The following PALS2 variants were observed in gnomAD, a reference collection of about 807,000 sequenced individuals.
The protein encoded by PALS2 is protein PALS2.
A neutral mutation model predicts 61.6 loss-of-function variants in PALS2; 27 were observed. The observed-to-expected ratio is 0.44, with a 90% CI of 0.32 to 0.60. The LOEUF (loss-of-function observed/expected upper bound fraction) is 0.60, where lower values mean the gene tolerates loss of function less well. Ranked by LOEUF, PALS2 falls within the 20% of genes least tolerant of loss-of-function variation. The pLI is 0.05. For synonymous variants in PALS2, 236 were observed against 218.6 expected, an observed-to-expected ratio of 1.08 and a Z score of -0.70; for missense variants, 554 against 639.4, an observed-to-expected ratio of 0.87 and a Z score of 1.44.
intron 3 of PALS2, among the ~76,000 whole-genome samples, chr7:24,642,379 G>C (rs887550036): frequency 2.0e-5 from 3 of 152,142 alleles, no homozygotes; most frequent in African/African-American, 7.2e-5. Flanking sequence ...GAGTTCATCA[G>C]TTTTACAAAG....
chr7:24,644,443 T>G (rs1265936543), intron 3 of PALS2, among the ~76,000 whole-genome samples: 1 of 152,136 alleles, frequency 6.6e-6, no homozygotes, highest in African/African-American at 2.4e-5. Context: ...TGATCTCATT[T>G]TTATGGCTGC....
At chr7:24,612,450 C>T (rs981278963) in intron 1 of PALS2, among the ~76,000 whole-genome samples, 10 of 151,510 alleles carry the variant, frequency 6.6e-5, no homozygotes, top group African/African-American at 2.4e-4. Flanking sequence ...GATAAATTTA[C>T]CCAAAATGCT....
At chr7:24,653,261 C>G (rs1187099428) in intron 5 of PALS2, among the ~76,000 whole-genome samples, 1 of 151,864 alleles carries the variant, frequency 6.6e-6, no homozygotes, top group Non-Finnish European at 1.5e-5. Flanking sequence ...ATTAGAAAAT[C>G]CATATGTATG....
intron 1 of PALS2, among the ~76,000 whole-genome samples, chr7:24,584,189 G>A (rs1341415467): frequency 7.0e-6 from 1 of 143,284 alleles, no homozygotes; most frequent in Non-Finnish European, 1.5e-5. Context: ...TAATGGGATG[G>A]CTGGGTCAAA....
intron 5 of PALS2, among the ~76,000 whole-genome samples, chr7:24,651,525 C>A (rs1221363230): frequency 2.0e-5 from 3 of 152,160 alleles, no homozygotes; most frequent in African/African-American, 7.2e-5. Context: ...CACAGCAACA[C>A]CTGGCACATA....
At chr7:24,685,939 A>C (rs1788180483) in intron 11 of PALS2, among the ~76,000 whole-genome samples, 1 of 151,996 alleles carries the variant, frequency 6.6e-6, no homozygotes, top group Non-Finnish European at 1.5e-5. Context: ...GCTAGCCCAG[A>C]CCTCAGAGCT....
chr7:24,594,179 T>C (rs1310059236), intron 1 of PALS2, among the ~76,000 whole-genome samples: 1 of 152,066 alleles, frequency 6.6e-6, no homozygotes, highest in Non-Finnish European at 1.5e-5. Context: ...GTTTCAGACT[T>C]TTTTCCAGTA....
Position 24,662,768 on chromosome 7 carries a change from G to GAAA in PALS2, c.652-796_652-794dup, listed in dbSNP as rs59367702. 3.0e-4 allele frequency among the ~76,000 whole-genome samples: 31 copies of GAAA among 102,622 alleles called. 1 individual carries two copies. Among genetic ancestry groups the GAAA allele is most frequent in the African/African-American group, 6.3e-4 (21 of 33,450 alleles). The allele number at this position is 102,622 out of a possible 152,430, so 67.3% of individuals were successfully genotyped here. The stretch of plus-strand genomic sequence containing the variant: ...TGGGTGAAAGAGTGAGACTCCATCT[G>GAAA]AAAAAAAAAAAAAAAAAAAAAAAAA... On this transcript the variant is annotated intron_variant, in intron 5 of 11. Coordinates refer to ENST00000222644, the MANE Select transcript of PALS2 (RefSeq NM_001303037.2).
intron 1 of PALS2, among the ~76,000 whole-genome samples, chr7:24,586,690 T>A (rs539056312): frequency 1.3e-5 from 2 of 152,306 alleles, no homozygotes; most frequent in South Asian, 4.1e-4. Context: ...TGCAATCTGG[T>A]CATTAAAATG....
In PALS2 at chr7:24,618,773, G is replaced by A. The variant is rs1482891980; in HGVS notation, c.-2-4893G>A. Among the ~76,000 whole-genome samples the A allele has an allele frequency of 6.6e-6, 1 of 152,192 alleles. No individual in the cohort carries two copies. Among genetic ancestry groups the A allele is most frequent in the Non-Finnish European group, 1.5e-5 (1 of 68,026 alleles). On this transcript the variant is annotated intron_variant, in intron 1 of 11. Transcript: ENST00000222644. The surrounding 1 kb of genome is among the most constrained non-coding windows in gnomAD (Gnocchi z 5.1). ...GATGGCAGAGGCAGGATGCCTCCAC[G>A]CTGGCCTTGTGGGCTCCCAGTCATC...
Position 24,680,429 on chromosome 7 carries a change from A to T in PALS2, c.1355A>T (p.Tyr452Phe). The T allele has an allele frequency of 6.2e-7, 1 of 1,613,470 alleles. No individual in the cohort carries two copies. The highest frequency in any genetic ancestry group is 8.5e-7 in the Non-Finnish European group (1 of 1,179,444). Reference protein sequence around the residue: ...KVLRTSEFMPYVVFIAAPELE... With the variant: ...KVLRTSEFMPFVVFIAAPELE... ...TTGAGGACATCAGAGTTTATGCCCTATGTGGTATTTATTGCGGCTCCGGAG... is the reference window on the plus strand; with the variant it reads ...TTGAGGACATCAGAGTTTATGCCCTTTGTGGTATTTATTGCGGCTCCGGAG... The change falls in exon 11 of 12, where the codon TAT (tyrosine) becomes TTT (phenylalanine). Residue 452 changes from tyrosine (Y) to phenylalanine (F), a missense_variant. Coordinates refer to ENST00000222644, the MANE Select transcript of PALS2 (RefSeq NM_001303037.2).
chr7:24,620,556 C>A (rs1029522989), intron 1 of PALS2, among the ~76,000 whole-genome samples: 27 of 151,910 alleles, frequency 1.8e-4, no homozygotes, highest in African/African-American at 6.3e-4. Flanking sequence ...CAATTTCTTT[C>A]ACTTTTCTAC....
In PALS2 at chr7:24,687,521, T is replaced by C. The variant is rs762834622; in HGVS notation, c.1530T>C (p.Asn510=). Residue 510 remains asparagine (N), a synonymous_variant, in exon 12 of 12, where the codon AAT becomes AAC. Transcript: ENST00000222644. This position sits in a 1 kb window ranked among gnomAD's most constrained non-coding sequence, Gnocchi z 4.5. The stretch of plus-strand genomic sequence containing the variant: ...ACTATTTTGATTTGATCATCATAAA[T>C]GATAATCTAGACAAAGCCTTTGAAA... ...YNHYFDLIII[N]DNLDKAFEKL... The C allele has an allele frequency of 6.2e-7, 1 of 1,613,140 alleles. No homozygotes were observed. The highest frequency in any genetic ancestry group is 1.3e-5 in the African/African-American group (1 of 74,884).
chr7:24,652,486 G>T (rs1786204676), intron 5 of PALS2, among the ~76,000 whole-genome samples: 1 of 152,088 alleles, frequency 6.6e-6, no homozygotes, highest in Non-Finnish European at 1.5e-5. Flanking sequence ...TCAAGTAGGA[G>T]AGGAGGAGTC....
chr7:24,599,024 A>G lies in PALS2; in HGVS notation c.-2-24642A>G, dbSNP rs1783621214. Among the ~76,000 whole-genome samples the G allele has an allele frequency of 2.0e-5, 3 of 152,334 alleles. No individual in the cohort carries two copies. The South Asian group carries it at 6.2e-4, about 32-fold the overall frequency. On this transcript the variant is annotated intron_variant, in intron 1 of 11. Coordinates refer to ENST00000222644, the MANE Select transcript of PALS2 (RefSeq NM_001303037.2). Reference sequence around the variant, plus strand: ...AAACACACCGAGTGTTGAATGAGGCAGGAATAAAATACAGTCGTGCATCAC... The same window carrying G: ...AAACACACCGAGTGTTGAATGAGGCGGGAATAAAATACAGTCGTGCATCAC...
chr7:24,666,078 C>T lies in PALS2; in HGVS notation c.941C>T (p.Thr314Ile), dbSNP rs1163792266. 1 of 1,610,816 alleles carries T rather than the reference C, an allele frequency of 6.2e-7. No homozygotes were observed. The highest frequency in any genetic ancestry group is 8.5e-7 in the Non-Finnish European group (1 of 1,177,960). ...KKKKKMMYLT[T>I]RNAEFDRHEI... ...AAGAAAAAGATGATGTATCTCACAA[C>T]CAGAAATGCAGGTAGGTTTTAAATA... Residue 314 changes from threonine to isoleucine, a missense_variant, in exon 8 of 12, where the codon ACC becomes ATC. Physicochemically the swap from Thr to Ile is moderately conservative, Grantham distance 89. Transcript: ENST00000222644.
intron 1 of PALS2, among the ~76,000 whole-genome samples, chr7:24,613,970 CTTTA>C (rs1275285864): frequency 6.6e-6 from 1 of 151,940 alleles, no homozygotes; most frequent in Non-Finnish European, 1.5e-5. Flanking sequence ...ACCACATTTG[CTTTA>C]TTCATTTATC....
At chr7:24,675,334 G>A (rs1014160457) in intron 9 of PALS2, among the ~76,000 whole-genome samples, 2 of 151,496 alleles carry the variant, frequency 1.3e-5, no homozygotes, top group African/African-American at 4.8e-5. Flanking sequence ...TATTTGGGGA[G>A]TTACAAGTTG....
intron 2 of PALS2, among the ~76,000 whole-genome samples, chr7:24,632,547 G>A (rs1443175025): frequency 1.3e-5 from 2 of 151,876 alleles, no homozygotes; most frequent in African/African-American, 2.4e-5. Flanking sequence ...TTACAGGCAC[G>A]CCCAGCTTAT....
Sources: allele counts gnomAD v4.1 joint callset (sites outside exome capture counted in the v4.1 genomes callset), GRCh38; gene constraint gnomAD v4.1.1; non-coding constraint Gnocchi (gnomAD v3.1); transcripts MANE v1.5; gene names NCBI Gene and HGNC (gene_info 2026-07-23, HGNC 2026-07-21).